Variants in FOXP1 observed in about 807,000 individuals in gnomAD.
FOXP1 encodes the protein forkhead box protein P1.
In FOXP1, 15 loss-of-function variants were observed where a neutral mutation model predicts 98.2. The observed-to-expected ratio is 0.15, with a 90% CI of 0.10 to 0.24. The LOEUF (loss-of-function observed/expected upper bound fraction) is 0.24. Ranked by LOEUF, FOXP1 falls within the 10% of genes least tolerant of loss-of-function variation. The probability of loss-of-function intolerance (pLI) is 1.00; values close to 1 mark genes in which losing one functional copy is unlikely to be tolerated. For missense variants in FOXP1, 633 were observed against 848.5 expected, an observed-to-expected ratio of 0.75 and a Z score of 3.15; for synonymous variants, 371 against 314.5, an observed-to-expected ratio of 1.18 and a Z score of -1.90.
chr3:71,027,157 C>T (rs750706715), intron 11 of FOXP1, among the ~76,000 whole-genome samples: 1 of 151,708 alleles, frequency 6.6e-6, no homozygotes, highest in Non-Finnish European at 1.5e-5. Flanking sequence ...CAGGCATTCT[C>T]ATTATGTCAA....
At chr3:70,978,582 G>A (rs926023) in intron 14 of FOXP1, among the ~76,000 whole-genome samples, 2 of 152,066 alleles carry the variant, frequency 1.3e-5, no homozygotes, top group Non-Finnish European at 2.9e-5. Flanking sequence ...CATGTGGCTA[G>A]TAGCTACCAT....
At chr3:71,137,451 T>A (rs1275515730) in intron 6 of FOXP1, among the ~76,000 whole-genome samples, 1 of 152,188 alleles carries the variant, frequency 6.6e-6, no homozygotes, top group African/African-American at 2.4e-5. Flanking sequence ...ACCAGTGAGA[T>A]GGGTCCACCA....
chr3:71,063,097 C>A (rs1213056313), intron 7 of FOXP1, among the ~76,000 whole-genome samples: 1 of 152,202 alleles, frequency 6.6e-6, no homozygotes, highest in Non-Finnish European at 1.5e-5. Flanking sequence ...CAAGTGTCAG[C>A]CGAATGCGTT....
intron 4 of FOXP1, among the ~76,000 whole-genome samples, chr3:71,311,254 A>G (rs777061936): frequency 9.2e-5 from 14 of 151,922 alleles, no homozygotes; most frequent in South Asian, 2.1e-4. Context: ...ATGCCTCACT[A>G]GTTTTTTCAA....
chr3:71,278,321 T>C (rs771942281), intron 5 of FOXP1, among the ~76,000 whole-genome samples: 4 of 152,222 alleles, frequency 2.6e-5, no homozygotes, highest in Non-Finnish European at 5.9e-5. Flanking sequence ...TTGTCTTCTC[T>C]GATGTTCTCC....
chr3:71,050,437 T>C (rs138102513), intron 9 of FOXP1, among the ~76,000 whole-genome samples: 1,543 of 152,328 alleles, frequency 0.01, 89 homozygotes, highest in Admixed American at 0.085. Context: ...CCTTTTTTGT[T>C]TGTCTTCAAA....
intron 7 of FOXP1, among the ~76,000 whole-genome samples, chr3:71,100,575 T>A (rs1476713361): frequency 6.6e-6 from 1 of 152,254 alleles, no homozygotes; most frequent in Non-Finnish European, 1.5e-5. Flanking sequence ...CTTCACATCA[T>A]GTGGTTTTTA....
chr3:71,344,386 G>C (rs1435020180), intron 4 of FOXP1, among the ~76,000 whole-genome samples: 2 of 152,138 alleles, frequency 1.3e-5, no homozygotes, highest in African/African-American at 4.8e-5. Flanking sequence ...CAAACAGTGT[G>C]AAACACTAGT....
At chr3:71,202,649 T>A (rs1210132027) in intron 5 of FOXP1, among the ~76,000 whole-genome samples, 1 of 152,230 alleles carries the variant, frequency 6.6e-6, no homozygotes, top group South Asian at 2.1e-4. Flanking sequence ...GTTTCAGACA[T>A]GAACTTGTCC....
chr3:71,267,863 C>T (rs538175712), intron 5 of FOXP1, among the ~76,000 whole-genome samples: 4 of 151,834 alleles, frequency 2.6e-5, no homozygotes, highest in Admixed American at 2.0e-4. Flanking sequence ...ACTATAAACA[C>T]GAAAATTAGC....
At chr3:71,142,436 G>A (rs773167726) in intron 6 of FOXP1, among the ~76,000 whole-genome samples, 7 of 152,212 alleles carry the variant, frequency 4.6e-5, no homozygotes, top group Non-Finnish European at 7.3e-5. Flanking sequence ...GGGCCTGATG[G>A]AATCACATGA....
intron 6 of FOXP1, among the ~76,000 whole-genome samples, chr3:71,126,871 C>CAAAAAAAAAAAAAAAAAAAAAAAAAAAAA (rs1230464030): frequency 2.6e-5 from 2 of 77,162 alleles, no homozygotes; most frequent in Admixed American, 1.3e-4. Flanking sequence ...AAAAAACAAA[C>CAAAAAAAAAAAAAAAAAAAAAAAAAAAAA]AAAAAAAAAA....
chr3:71,436,135 C>G (rs918513354), intron 3 of FOXP1, among the ~76,000 whole-genome samples: 1 of 151,802 alleles, frequency 6.6e-6, no homozygotes, highest in Non-Finnish European at 1.5e-5. Context: ...CTAATTATTC[C>G]TATTACATAT....
intron 13 of FOXP1, among the ~76,000 whole-genome samples, chr3:70,989,599 G>GT (rs1467180149): frequency 6.6e-6 from 1 of 152,012 alleles, no homozygotes; most frequent in Non-Finnish European, 1.5e-5. Flanking sequence ...TTTTTAAAAT[G>GT]TAAGTATCCT....
chr3:71,499,716 T>C (rs943573629), intron 2 of FOXP1, among the ~76,000 whole-genome samples: 2 of 152,190 alleles, frequency 1.3e-5, no homozygotes, highest in African/African-American at 4.8e-5. Flanking sequence ...TTAGTTTCCT[T>C]TGTTGCAAAT....
intron 4 of FOXP1, among the ~76,000 whole-genome samples, chr3:71,348,548 T>TGTGTGC (rs752492060): frequency 3.0e-5 from 4 of 132,060 alleles, no homozygotes; most frequent in Non-Finnish European, 4.7e-5. Context: ...TGTGTGTGTG[T>TGTGTGC]GCGTGCGCGC....
chr3:71,212,498 G>A (rs1267358293), intron 5 of FOXP1, among the ~76,000 whole-genome samples: 1 of 152,094 alleles, frequency 6.6e-6, no homozygotes, highest in African/African-American at 2.4e-5. Context: ...TGGGTATTAC[G>A]CTTGTAGAAG....
rs2031981453 is a variant in FOXP1 at position 70,956,952 on chromosome 3, A to G, written c.*2295T>C. 4.6e-6 allele frequency: 1 copy of G among 217,380 alleles called. No homozygotes were observed. Among genetic ancestry groups the G allele is most frequent in the African/African-American group, 2.2e-5 (1 of 44,468 alleles). 13.5% of individuals were successfully genotyped at this position (217,380 alleles called of 1,614,324 possible). ...AAAAGGAAAAATTAAAAATAAAAACAAACTGAAGGATATATGCCAAGATAA... is the reference window on the plus strand; with the variant it reads ...AAAAGGAAAAATTAAAAATAAAAACGAACTGAAGGATATATGCCAAGATAA... On this transcript the variant is annotated 3_prime_UTR_variant, in exon 21 of 21. Coordinates refer to ENST00000649528, the MANE Select transcript of FOXP1 (RefSeq NM_001349338.3).
At position 70,956,682 on chromosome 3, in the gene FOXP1, C is replaced by T. The variant is rs2031867443; in HGVS notation, c.*2565G>A. 1.4e-5 allele frequency: 3 copies of T among 215,878 alleles called. No homozygotes were observed. The South Asian group carries it at 5.8e-4, about 42-fold the overall frequency. 13.4% of individuals were successfully genotyped at this position (215,878 alleles called of 1,614,324 possible). Reference sequence around the variant, plus strand: ...AGTTTAGAAGCACAGGGCCCCCTTCCCATGACCCTGTCTGGCTACTGCCTG... The same window carrying T: ...AGTTTAGAAGCACAGGGCCCCCTTCTCATGACCCTGTCTGGCTACTGCCTG... On this transcript the variant is annotated 3_prime_UTR_variant, in exon 21 of 21. Transcript: ENST00000649528.
Sources: allele counts gnomAD v4.1 joint callset (sites outside exome capture counted in the v4.1 genomes callset), GRCh38; gene constraint gnomAD v4.1.1; transcripts MANE v1.5; gene names NCBI Gene and HGNC (gene_info 2026-07-23, HGNC 2026-07-21).